Variants in TEX15 observed in about 807,000 individuals in gnomAD.
TEX15 encodes testis-expressed protein 15.
Under a neutral mutation model 237.3 loss-of-function variants are expected in TEX15, and 171 were observed. The ratio of observed to expected loss-of-function variants is 0.72; its 90% CI spans 0.64 to 0.82. TEX15 has a LOEUF of 0.82. Among genes scored for constraint, TEX15 ranks in the 40% least tolerant of loss-of-function variants. The pLI, the probability that TEX15 is intolerant of heterozygous loss-of-function variation, is 0.00. For missense variants in TEX15, 3,750 were observed against 3,646.5 expected (o/e 1.03, Z -0.73); for synonymous variants, 1,338 against 1,269.8 (o/e 1.05, Z -1.14).
At chr8:30,889,960 T>TATATATAC (rs1808763092) in intron 2 of TEX15, among the ~76,000 whole-genome samples, 2 of 144,990 alleles carry the variant, frequency 1.4e-5, no homozygotes, top group African/African-American at 5.2e-5. Context: ...TATACATATA[T>TATATATAC]ATATATATGT....
In TEX15 at chr8:30,845,118, C is replaced by A. The variant is rs374806257; in HGVS notation, c.5049G>T (p.Lys1683Asn). ...TGGGTCTCTCAATAGGATCTGTCCA[C>A]TTTACTTCCAGGTTTCTTTTACAAT... ...LSDCKRNLEV[K>N]WTDPIERPKQ... is the part of the protein sequence containing the mutation. Residue 1683 changes from lysine (K) to asparagine (N), a missense_variant, in exon 8 of 11, where the codon AAG (lysine) becomes AAT (asparagine). Transcript: ENST00000643185. The A allele has an allele frequency of 1.9e-6, 3 of 1,613,348 alleles. No individual in the cohort carries two copies. Among genetic ancestry groups the A allele is most frequent in the Non-Finnish European group, 2.5e-6 (3 of 1,179,518 alleles).
chr8:30,909,205 CTTAA>C (rs1315102875), intron 1 of TEX15, among the ~76,000 whole-genome samples: 1 of 152,004 alleles, frequency 6.6e-6, no homozygotes, highest in East Asian at 1.9e-4. Flanking sequence ...GTTACAGTAG[CTTAA>C]TTAAACCTCA....
intron 1 of TEX15, among the ~76,000 whole-genome samples, chr8:30,911,341 G>A (rs1809214782): frequency 6.6e-6 from 1 of 151,840 alleles, no homozygotes; most frequent in African/African-American, 2.4e-5. Flanking sequence ...TTGTAGAGAC[G>A]GGATTTCCCC....
intron 2 of TEX15, chr8:30,890,633 T>C (rs1361240740): frequency 6.6e-6 from 1 of 152,228 alleles, no homozygotes; most frequent in East Asian, 1.9e-4. Context: ...GTTCTTCAAA[T>C]AACACAGCTT....
chr8:30,890,992 A>G (rs1446423702), intron 2 of TEX15, among the ~76,000 whole-genome samples: 1 of 152,158 alleles, frequency 6.6e-6, no homozygotes, highest in Non-Finnish European at 1.5e-5. Context: ...ATGTATTTTA[A>G]TATTTTTGTC....
intron 3 of TEX15, among the ~76,000 whole-genome samples, chr8:30,878,026 G>A (rs554255634): frequency 1.0e-4 from 15 of 148,946 alleles, no homozygotes; most frequent in Middle Eastern, 3.6e-3. Context: ...TCTCTTCTCC[G>A]TATGCATACT....
intron 5 of TEX15, among the ~76,000 whole-genome samples, chr8:30,860,792 T>C (rs1808033536): frequency 1.3e-5 from 2 of 151,928 alleles, no homozygotes; most frequent in South Asian, 4.1e-4. Flanking sequence ...TCAGGTGATC[T>C]GCCCACCTCG....
intron 7 of TEX15, among the ~76,000 whole-genome samples, chr8:30,858,081 A>G (rs1377490339): frequency 6.6e-6 from 1 of 151,926 alleles, no homozygotes; most frequent in Non-Finnish European, 1.5e-5. Flanking sequence ...AGAAGACTGG[A>G]AAGTGCCCAA....
Position 30,837,690 on chromosome 8 carries a change from T to C in TEX15, c.8594A>G (p.Lys2865Arg). The change falls in exon 10 of 11, where the codon AAA (lysine) becomes AGA (arginine). Residue 2865 changes from lysine (K) to arginine (R), a missense_variant. Transcript: ENST00000643185. Reference sequence around the variant, plus strand: ...TTTTTGGGTGGGATCTGGGGAATTTTTAAGAAATTTCTGCAAAAGCGTCCC... The same window carrying C: ...TTTTTGGGTGGGATCTGGGGAATTTCTAAGAAATTTCTGCAAAAGCGTCCC... The part of the protein sequence containing the change: ...DHGTLLQKFL[K>R]NSPDPTQKSC... The C allele has an allele frequency of 6.2e-7, 1 of 1,613,950 alleles. No homozygotes were observed.
At chr8:30,838,175 T>C in intron 9 of TEX15, 114 bp from the exon 10 acceptor site, 1 of 973,876 alleles carries the variant, frequency 1.0e-6, no homozygotes, top group Admixed American at 3.4e-5. Context: ...AAGCTTTACG[T>C]TTTCCCATTC....
In TEX15 at chr8:30,844,230, T is replaced by C. The variant is rs774783657; in HGVS notation, c.5937A>G (p.Ser1979=). ...GTTTTTCTTTAAAATCACTCACGTATGACGCAGGTTTCTTCAGAAGAGTAG... is the reference window on the plus strand; with the variant it reads ...GTTTTTCTTTAAAATCACTCACGTACGACGCAGGTTTCTTCAGAAGAGTAG... ...KVPTLLKKPA[S]YVSDFKEKHC... The change falls in exon 8 of 11, where the codon TCA becomes TCG. Residue 1979 remains serine, a synonymous_variant. Transcript: ENST00000643185. 1 of 1,612,108 alleles carries C rather than the reference T, an allele frequency of 6.2e-7. No homozygotes were observed. Among genetic ancestry groups the C allele is most frequent in the South Asian group, 1.1e-5 (1 of 90,570 alleles).
chr8:30,860,244 G>A (rs141695181), intron 5 of TEX15, among the ~76,000 whole-genome samples, 187 bp from the exon 6 acceptor site: 13 of 151,852 alleles, frequency 8.6e-5, no homozygotes, highest in Admixed American at 2.6e-4. Flanking sequence ...CCTCGGCCCC[G>A]TTGAGTAGCT....
chr8:30,860,167 G>A, intron 5 of TEX15, 110 bp from the exon 6 acceptor site: 1 of 982,390 alleles, frequency 1.0e-6, no homozygotes, highest in Non-Finnish European at 1.4e-6. Context: ...TCTGAGACAG[G>A]GTCTCACTCT....
intron 7 of TEX15, among the ~76,000 whole-genome samples, chr8:30,852,733 C>T (rs1807815801): frequency 6.6e-6 from 1 of 151,858 alleles, no homozygotes; most frequent in Admixed American, 6.6e-5. Flanking sequence ...AGAAAAAACC[C>T]CCAACAAATC....
Position 30,836,874 on chromosome 8 carries a change from T to C in TEX15, c.9410A>G (p.Gln3137Arg), listed in dbSNP as rs1182373767. Residue 3137 changes from glutamine (Q) to arginine (R), a missense_variant, in exon 10 of 11, where the codon CAG (glutamine) becomes CGG (arginine). Coordinates refer to ENST00000643185, the MANE Select transcript of TEX15 (RefSeq NM_001350162.2). ...AGGGTATGTAGCTTGTGGTAATGGC[T>C]GATGAGAAGCATATTGTGAAAAAAT... Reference protein sequence around the residue: ...QPIFSQYASHQPLPQATYPYL... With the variant: ...QPIFSQYASHRPLPQATYPYL... The C allele has an allele frequency of 1.9e-6, 3 of 1,614,042 alleles. No homozygotes were observed. Among genetic ancestry groups the C allele is most frequent in the African/African-American group, 1.3e-5 (1 of 74,920 alleles).
intron 8 of TEX15, among the ~76,000 whole-genome samples, chr8:30,841,160 T>G (rs868340024): frequency 6.6e-6 from 1 of 152,222 alleles, no homozygotes; most frequent in Admixed American, 6.5e-5. Context: ...ACTCAAGCAG[T>G]CTGCCCACCT....
intron 1 of TEX15, among the ~76,000 whole-genome samples, chr8:30,911,082 A>G (rs1809205807): frequency 6.6e-6 from 1 of 152,130 alleles, no homozygotes; most frequent in South Asian, 2.1e-4. Flanking sequence ...CATTTTCTCA[A>G]TGTGAACTCA....
intron 2 of TEX15, 36 bp from the exon 3 acceptor site, chr8:30,887,347 A>G: frequency 6.7e-7 from 1 of 1,492,058 alleles, no homozygotes. Context: ...CAAAAAGGTC[A>G]ATAAATACAT....
rs752145411 is a variant in TEX15, at chr8:30,847,498, G to A, written c.2669C>T (p.Ser890Phe). ...ENIYGDKKQD[S>F]HTNENFSNID... is the part of the protein sequence containing the mutation. Reference sequence around the variant, plus strand: ...ATTGCTGAAATTTTCGTTTGTATGAGAATCCTGCTTTTTGTCTCCATATAT... The same window carrying A: ...ATTGCTGAAATTTTCGTTTGTATGAAAATCCTGCTTTTTGTCTCCATATAT... The change falls in exon 8 of 11, where the codon TCT becomes TTT. Residue 890 changes from serine (S) to phenylalanine (F), a missense_variant. By Grantham distance (155) the Ser-to-Phe change is radical. Coordinates refer to ENST00000643185, the MANE Select transcript of TEX15 (RefSeq NM_001350162.2). The A allele has an allele frequency of 6.2e-7, 1 of 1,613,216 alleles. No individual in the cohort carries two copies. Among genetic ancestry groups the A allele is most frequent in the Non-Finnish European group, 8.5e-7 (1 of 1,179,824 alleles).
Sources: gnomAD v4.1 joint callset for allele counts (sites outside exome capture counted in the v4.1 genomes callset) on GRCh38, gnomAD v4.1.1 for gene constraint, MANE v1.5 for transcripts, NCBI Gene and HGNC (gene_info 2026-07-23, HGNC 2026-07-21) for gene names.